Variants in FREM2 observed in about 807,000 individuals in gnomAD.
FREM2 encodes the protein FRAS1 related extracellular matrix 2.
A neutral mutation model predicts 219.9 loss-of-function variants in FREM2; 119 were observed. That is an observed-to-expected ratio of 0.54 (90% confidence interval 0.47 to 0.63). FREM2 has a LOEUF of 0.63. Ranked by LOEUF, FREM2 falls within the 30% of genes least tolerant of loss-of-function variation. The pLI, the probability that FREM2 is intolerant of heterozygous loss-of-function variation, is 0.00. For synonymous variants in FREM2, 1,562 were observed against 1,522.8 expected, an observed-to-expected ratio of 1.03 and a Z score of -0.60; for missense variants, 4,030 against 3,993.6, an observed-to-expected ratio of 1.01 and a Z score of -0.25.
chr13:38,712,183 C>T lies in FREM2; in HGVS notation c.5263+14396C>T, dbSNP rs80183855. The stretch of plus-strand genomic sequence containing the variant: ...TGCTGGGATTACAGGCGTGAGCCAC[C>T]GCGCCCAGCCCCTGAGAGTTTAAGA... On this transcript the variant is annotated intron_variant, in intron 2 of 23. Transcript: ENST00000280481. Among the ~76,000 whole-genome samples, 606 of 152,130 alleles carry T rather than the reference C, an allele frequency of 4.0e-3. 4 individuals carry two copies. The highest frequency in any genetic ancestry group is 0.014 in the African/African-American group (582 of 41,498).
At chr13:38,725,376 G>A (rs1300775212) in intron 2 of FREM2, among the ~76,000 whole-genome samples, 1 of 151,900 alleles carries the variant, frequency 6.6e-6, no homozygotes, top group East Asian at 1.9e-4. Context: ...TAAAACAAAA[G>A]GAAACAAACA....
chr13:38,807,103 A>G (rs1875259352), intron 6 of FREM2, among the ~76,000 whole-genome samples: 1 of 143,120 alleles, frequency 7.0e-6, no homozygotes, highest in South Asian at 2.3e-4. Context: ...GAACCCCTCA[A>G]TGTCATCCAT....
At chr13:38,743,057 A>G (rs1872314336) in intron 2 of FREM2, among the ~76,000 whole-genome samples, 1 of 152,150 alleles carries the variant, frequency 6.6e-6, no homozygotes, top group Non-Finnish European at 1.5e-5. Context: ...TGTAAGAAAA[A>G]CAAGCTCCTG....
chr13:38,769,475 C>T, intron 3 of FREM2, 103 bp from the exon 4 acceptor site: 1 of 1,021,352 alleles, frequency 9.8e-7, no homozygotes, highest in Non-Finnish European at 1.5e-6. Flanking sequence ...GCAGGATCAA[C>T]TTTGCTTTTC....
intron 6 of FREM2, among the ~76,000 whole-genome samples, chr13:38,795,538 T>G (rs1874736640): frequency 6.6e-6 from 1 of 152,130 alleles, no homozygotes; most frequent in Non-Finnish European, 1.5e-5. Flanking sequence ...CAGTTCAGGA[T>G]ATTTGGAGGA....
chr13:38,698,379 A>G (rs569391829), intron 2 of FREM2, among the ~76,000 whole-genome samples: 3 of 152,266 alleles, frequency 2.0e-5, no homozygotes, highest in Non-Finnish European at 2.9e-5. Flanking sequence ...AGAATACTTC[A>G]GAGTATAGGA....
chr13:38,862,054 C>G (rs574967016), intron 15 of FREM2, among the ~76,000 whole-genome samples: 2 of 152,138 alleles, frequency 1.3e-5, no homozygotes, highest in Non-Finnish European at 2.9e-5. Context: ...GCTAGGTAGC[C>G]ATGACCAGAA....
intron 2 of FREM2, among the ~76,000 whole-genome samples, chr13:38,755,005 C>T (rs1445208360): frequency 6.6e-6 from 1 of 151,758 alleles, no homozygotes; most frequent in Non-Finnish European, 1.5e-5. Context: ...CAGGTTCAAG[C>T]AATTCTTCTG....
chr13:38,755,059 C>T (rs551192306), intron 2 of FREM2, among the ~76,000 whole-genome samples: 1 of 152,084 alleles, frequency 6.6e-6, no homozygotes, highest in African/African-American at 2.4e-5. Context: ...GGCACCATCA[C>T]ACCCGGCTAA....
chr13:38,862,533 T>C (rs912146956), intron 15 of FREM2, among the ~76,000 whole-genome samples: 1 of 152,202 alleles, frequency 6.6e-6, no homozygotes, highest in Non-Finnish European at 1.5e-5. Flanking sequence ...GTTTTCTGAA[T>C]GCACTGTTCA....
At chr13:38,800,795 A>C (rs916685076) in intron 6 of FREM2, among the ~76,000 whole-genome samples, 5 of 152,068 alleles carry the variant, frequency 3.3e-5, no homozygotes, top group African/African-American at 1.2e-4. Context: ...ATGCCCAGCT[A>C]ATTTTTATAT....
At chr13:38,873,406 A>G in intron 17 of FREM2, among the ~76,000 whole-genome samples, 1 of 152,194 alleles carries the variant, frequency 6.6e-6, no homozygotes. Flanking sequence ...TGAGATCTCA[A>G]GCATATTGCT....
intron 6 of FREM2, among the ~76,000 whole-genome samples, chr13:38,795,486 G>C (rs942249829): frequency 9.9e-5 from 15 of 151,908 alleles, no homozygotes; most frequent in Non-Finnish European, 1.6e-4. Context: ...TATTTATGAG[G>C]TACATGTGAG....
chr13:38,697,331 G>A (rs1221050114), intron 1 of FREM2, among the ~76,000 whole-genome samples: 1 of 152,184 alleles, frequency 6.6e-6, no homozygotes, highest in African/African-American at 2.4e-5. Flanking sequence ...GATTTCAAGA[G>A]TGCCAGGAAA....
chr13:38,717,433 T>TTTC (rs1871053145), intron 2 of FREM2, among the ~76,000 whole-genome samples: 1 of 148,654 alleles, frequency 6.7e-6, no homozygotes, highest in African/African-American at 2.5e-5. Context: ...TTTTTTTTTT[T>TTTC]TGAGACTGTG....
chr13:38,849,653 A>C (rs1274011010), intron 8 of FREM2, among the ~76,000 whole-genome samples: 1 of 152,184 alleles, frequency 6.6e-6, no homozygotes. Flanking sequence ...CCACACACAC[A>C]GTCAAGTTAC....
chr13:38,785,168 G>C (rs1287861114), intron 6 of FREM2, among the ~76,000 whole-genome samples: 1 of 151,964 alleles, frequency 6.6e-6, no homozygotes, highest in East Asian at 1.9e-4. Flanking sequence ...CTTATATTTT[G>C]TAACTTTAAT....
intron 4 of FREM2, chr13:38,779,365 G>T (rs1566139268): frequency 6.6e-6 from 1 of 151,646 alleles, no homozygotes; most frequent in Non-Finnish European, 1.5e-5. Flanking sequence ...TACACGTTCT[G>T]CACTTGTATC....
chr13:38,779,591 A>C (rs957698963), intron 4 of FREM2: 2 of 152,056 alleles, frequency 1.3e-5, no homozygotes, highest in African/African-American at 4.8e-5. Flanking sequence ...AAAAAGTAAA[A>C]ACCAGCAAAG....
Sources: gnomAD v4.1 joint callset for allele counts (sites outside exome capture counted in the v4.1 genomes callset) on GRCh38, gnomAD v4.1.1 for gene constraint, MANE v1.5 for transcripts, NCBI Gene and HGNC (gene_info 2026-07-23, HGNC 2026-07-21) for gene names.